STX8: variants seen among roughly 807,000 people sequenced by gnomAD.
The protein encoded by STX8 is syntaxin-8.
Under a neutral mutation model 37.5 loss-of-function variants are expected in STX8, and 23 were observed. The ratio of observed to expected loss-of-function variants is 0.61; its 90% CI spans 0.44 to 0.87. The LOEUF (loss-of-function observed/expected upper bound fraction) is 0.87. Among genes scored for constraint, STX8 ranks in the 40% least tolerant of loss-of-function variants. The probability of loss-of-function intolerance (pLI) is 0.00; values close to 1 mark genes in which losing one functional copy is unlikely to be tolerated. For synonymous variants in STX8, 115 were observed against 99.1 expected, an observed-to-expected ratio of 1.16 and a Z score of -0.95; for missense variants, 313 against 284.7, an observed-to-expected ratio of 1.10 and a Z score of -0.71.
rs1306459842 is a variant in STX8 at position 9,418,524 on chromosome 17, AAAAAAAAC to A, written c.542-39879_542-39872del. On this transcript the variant is annotated intron_variant, in intron 6 of 7. Transcript: ENST00000306357. ...TGTTCTTTCCGTTTTTCTAAAAAAA[AAAAAAAAC>A]AAAAAAAAAAACAAGGCTGGGTGCA... is the stretch of plus-strand genomic sequence containing the variant. 4.0e-5 allele frequency among the ~76,000 whole-genome samples: 6 copies of A among 150,382 alleles called. 1 individual carries two copies. The highest frequency in any genetic ancestry group is 1.5e-4 in the African/African-American group (6 of 40,438).
intron 7 of STX8, among the ~76,000 whole-genome samples, chr17:9,345,620 T>C (rs575003786): frequency 1.3e-5 from 2 of 151,854 alleles, no homozygotes; most frequent in Admixed American, 1.3e-4. Context: ...GGGTACAAAG[T>C]AATGTTTTAG....
At chr17:9,404,117 T>G (rs973094324) in intron 6 of STX8, among the ~76,000 whole-genome samples, 1 of 152,124 alleles carries the variant, frequency 6.6e-6, no homozygotes, top group Non-Finnish European at 1.5e-5. Flanking sequence ...CAGAAAATCA[T>G]AAGGAAGAGA....
chr17:9,541,407 G>A (rs542334041), intron 4 of STX8, among the ~76,000 whole-genome samples: 11 of 152,290 alleles, frequency 7.2e-5, no homozygotes, highest in African/African-American at 1.4e-4. Flanking sequence ...GAAGATCTCC[G>A]AAGCAATGAG....
intron 6 of STX8, among the ~76,000 whole-genome samples, chr17:9,399,865 C>CAAAA (rs201703835): frequency 4.1e-5 from 4 of 98,334 alleles, no homozygotes; most frequent in Admixed American, 1.2e-4. Flanking sequence ...GACTCTGTCT[C>CAAAA]AAAAAAAAAA....
rs769390840 is a variant in STX8, at chr17:9,414,129, A to ACCATCCAT, written c.542-35484_542-35477dup. Among the ~76,000 whole-genome samples the ACCATCCAT allele has an allele frequency of 6.4e-4, 43 of 67,680 alleles. 2 individuals are homozygous for ACCATCCAT. Among genetic ancestry groups the ACCATCCAT allele is most frequent in the East Asian group, 2.4e-3 (3 of 1,242 alleles). 44.4% of individuals were successfully genotyped at this position (67,680 alleles called of 152,430 possible). ...ATCCATCCATCCATCCATCCATCCA[A>ACCATCCAT]CCATCCATCCATCCATCCATCCATC... On this transcript the variant is annotated intron_variant, in intron 6 of 7. Transcript: ENST00000306357.
intron 7 of STX8, among the ~76,000 whole-genome samples, chr17:9,304,507 C>CAAAAAAAAAAAAAAAAGAAAA (rs1908894291): frequency 1.8e-5 from 1 of 56,886 alleles, no homozygotes; most frequent in African/African-American, 7.6e-5. Context: ...GAAACTGTCT[C>CAAAAAAAAAAAAAAAAGAAAA]AAAAAAAAAA....
At chr17:9,553,625 T>C (rs1161856598) in intron 3 of STX8, 1 of 152,218 alleles carries the variant, frequency 6.6e-6, no homozygotes, top group Non-Finnish European at 1.5e-5. Context: ...ACTCCATTGG[T>C]GATTTATGAA....
intron 1 of STX8, chr17:9,570,080 C>T (rs1263853172): frequency 6.6e-6 from 1 of 152,172 alleles, no homozygotes; most frequent in Non-Finnish European, 1.5e-5. Context: ...CAGGACCAGT[C>T]CATCACAAAA....
At chr17:9,482,562 T>C (rs1906390861) in intron 6 of STX8, among the ~76,000 whole-genome samples, 1 of 152,170 alleles carries the variant, frequency 6.6e-6, no homozygotes. Flanking sequence ...ATAAACAGTT[T>C]GAGAGGCATT....
intron 7 of STX8, among the ~76,000 whole-genome samples, chr17:9,358,045 G>A (rs919302515): frequency 6.6e-6 from 1 of 152,208 alleles, no homozygotes; most frequent in Non-Finnish European, 1.5e-5. Context: ...CTGAAACCAA[G>A]TTGGGAGAAG....
chr17:9,279,300 A>G (rs772867304), intron 7 of STX8, among the ~76,000 whole-genome samples: 1 of 151,892 alleles, frequency 6.6e-6, no homozygotes, highest in Non-Finnish European at 1.5e-5. Context: ...CAGGTGATCC[A>G]CCCACCTCGA....
intron 7 of STX8, among the ~76,000 whole-genome samples, chr17:9,268,350 G>A (rs1472925015): frequency 6.6e-6 from 1 of 152,062 alleles, no homozygotes; most frequent in Non-Finnish European, 1.5e-5. Flanking sequence ...TGGAAAAGGA[G>A]CCTCTTACCA....
At chr17:9,401,626 G>C (rs1202331634) in intron 6 of STX8, among the ~76,000 whole-genome samples, 4 of 152,094 alleles carry the variant, frequency 2.6e-5, no homozygotes, top group Non-Finnish European at 1.5e-5. Flanking sequence ...TCAAATTTCA[G>C]GTCTAACTCC....
intron 7 of STX8, among the ~76,000 whole-genome samples, chr17:9,276,644 T>G (rs191530458): frequency 2.5e-4 from 37 of 150,282 alleles, no homozygotes; most frequent in African/African-American, 8.5e-4. Flanking sequence ...TTTTTTTGGT[T>G]GTTGTTTTTG....
chr17:9,474,516 G>T (rs1906018374), intron 6 of STX8, among the ~76,000 whole-genome samples: 1 of 152,078 alleles, frequency 6.6e-6, no homozygotes, highest in Non-Finnish European at 1.5e-5. Flanking sequence ...GGGACTACAG[G>T]TGCCACTAAC....
At chr17:9,475,126 T>A (rs754788610) in intron 6 of STX8, among the ~76,000 whole-genome samples, 5 of 152,218 alleles carry the variant, frequency 3.3e-5, no homozygotes, top group Non-Finnish European at 7.3e-5. Context: ...CACACATGGT[T>A]GCCTCCTTCA....
intron 7 of STX8, among the ~76,000 whole-genome samples, chr17:9,301,464 TTTTA>T (rs1239776362): frequency 6.6e-6 from 1 of 151,322 alleles, no homozygotes; most frequent in East Asian, 1.9e-4. Context: ...TTTTTTTAAT[TTTTA>T]TTTTATTTAT....
At chr17:9,359,103 C>T (rs558328999) in intron 7 of STX8, among the ~76,000 whole-genome samples, 343 of 149,502 alleles carry the variant, frequency 2.3e-3, no homozygotes, top group Non-Finnish European at 3.5e-3. Context: ...AGTGCAATGG[C>T]GCAATCTTGG....
At chr17:9,435,743 T>C (rs898471848) in intron 6 of STX8, among the ~76,000 whole-genome samples, 1 of 152,194 alleles carries the variant, frequency 6.6e-6, no homozygotes, top group Non-Finnish European at 1.5e-5. Flanking sequence ...CCAGAGTTTT[T>C]TGAGCATCAA....
Sources: allele counts gnomAD v4.1 joint callset (sites outside exome capture counted in the v4.1 genomes callset), GRCh38; gene constraint gnomAD v4.1.1; transcripts MANE v1.5; gene names NCBI Gene and HGNC (gene_info 2026-07-23, HGNC 2026-07-21).